The following CTNNA2 variants were observed in gnomAD, a reference collection of about 807,000 sequenced individuals.
The protein encoded by CTNNA2 is catenin alpha 2, also known as catenin alpha-2.
Under a neutral mutation model 101.0 loss-of-function variants are expected in CTNNA2, and 42 were observed. The observed-to-expected ratio is 0.42, with a 90% CI of 0.32 to 0.54. The LOEUF (loss-of-function observed/expected upper bound fraction) is 0.54. Ranked by LOEUF, CTNNA2 falls within the 20% of genes least tolerant of loss-of-function variation. CTNNA2 has a pLI of 0.14. For synonymous variants in CTNNA2, 450 were observed against 456.4 expected (o/e 0.99, Z 0.18); for missense variants, 871 against 1,223.1 (o/e 0.71, Z 4.29).
intron 7 of CTNNA2, among the ~76,000 whole-genome samples, chr2:80,288,197 G>T (rs1052397951): frequency 1.3e-5 from 2 of 152,130 alleles, no homozygotes; most frequent in Non-Finnish European, 2.9e-5. Flanking sequence ...CACAGGGATT[G>T]AAAACCTCCA....
intron 3 of CTNNA2, among the ~76,000 whole-genome samples, chr2:79,809,406 A>T (rs563420888): frequency 4.6e-5 from 7 of 152,344 alleles, no homozygotes; most frequent in Admixed American, 3.3e-4. Flanking sequence ...ACTTCCACTA[A>T]CAGTGTAAAA....
chr2:79,327,912 T>C (rs1386272697), intron 3 of CTNNA2, among the ~76,000 whole-genome samples: 1 of 152,000 alleles, frequency 6.6e-6, no homozygotes, highest in African/African-American at 2.4e-5. Flanking sequence ...AGAAGACTAG[T>C]AGGCAAAGGT....
intron 1 of CTNNA2, among the ~76,000 whole-genome samples, chr2:79,577,241 T>G (rs1444281172): frequency 6.6e-6 from 1 of 152,158 alleles, no homozygotes; most frequent in Non-Finnish European, 1.5e-5. Flanking sequence ...GTTTAATGCC[T>G]TCTTCATTCT....
chr2:79,621,343 C>T (rs75189766), intron 1 of CTNNA2, among the ~76,000 whole-genome samples: 10 of 152,186 alleles, frequency 6.6e-5, no homozygotes, highest in East Asian at 1.9e-4. Context: ...GCTTATTCTC[C>T]GTTATTGTCC....
chr2:79,509,223 G>A (rs984420515), upstream of CTNNA2, among the ~76,000 whole-genome samples: 7 of 151,880 alleles, frequency 4.6e-5, no homozygotes, highest in Non-Finnish European at 8.8e-5. Flanking sequence ...GAAAAAGCTG[G>A]ACCATATGAG....
chr2:79,613,752 T>G (rs1227042590), intron 1 of CTNNA2, among the ~76,000 whole-genome samples: 1 of 152,152 alleles, frequency 6.6e-6, no homozygotes, highest in Non-Finnish European at 1.5e-5. Flanking sequence ...ACTCCTGATC[T>G]CAAGTGATCC....
intron 18 of CTNNA2, among the ~76,000 whole-genome samples, chr2:80,646,372 T>TGAAA (rs1674088191): frequency 6.6e-6 from 1 of 152,122 alleles, no homozygotes; most frequent in South Asian, 2.1e-4. Context: ...AGAAGTTTGA[T>TGAAA]GAAAGATCAG....
chr2:80,488,663 C>A (rs1686790582), intron 9 of CTNNA2, among the ~76,000 whole-genome samples: 1 of 152,160 alleles, frequency 6.6e-6, no homozygotes. Context: ...AATACAGTTT[C>A]TTCCTTGCTC....
chr2:80,359,976 G>T (rs1674238170), intron 7 of CTNNA2, among the ~76,000 whole-genome samples: 1 of 152,044 alleles, frequency 6.6e-6, no homozygotes, highest in Admixed American at 6.6e-5. Flanking sequence ...TAAATTTGGG[G>T]ATAACTAACA....
At chr2:80,021,258 A>T (rs535605135) in intron 7 of CTNNA2, among the ~76,000 whole-genome samples, 1 of 151,832 alleles carries the variant, frequency 6.6e-6, no homozygotes, top group Non-Finnish European at 1.5e-5. Context: ...GAGCTCAAGC[A>T]ATCCTCCCGC....
chr2:80,256,549 A>T (rs1672167966), intron 7 of CTNNA2, among the ~76,000 whole-genome samples: 1 of 152,098 alleles, frequency 6.6e-6, no homozygotes, highest in African/African-American at 2.4e-5. Context: ...GGGAAAAAAA[A>T]TCCCTACTTC....
At chr2:80,179,198 T>C (rs1471166726) in intron 7 of CTNNA2, among the ~76,000 whole-genome samples, 1 of 152,188 alleles carries the variant, frequency 6.6e-6, no homozygotes, top group Non-Finnish European at 1.5e-5. Context: ...GTTAATTTGC[T>C]CAAGCAATGA....
intron 7 of CTNNA2, among the ~76,000 whole-genome samples, chr2:80,297,918 A>T (rs1248656746): frequency 6.6e-6 from 1 of 152,116 alleles, no homozygotes; most frequent in Non-Finnish European, 1.5e-5. Flanking sequence ...AGAAAGTATT[A>T]GGATGATTAG....
At chr2:80,088,453 A>G (rs1349024954) in intron 7 of CTNNA2, among the ~76,000 whole-genome samples, 1 of 151,974 alleles carries the variant, frequency 6.6e-6, no homozygotes, top group Non-Finnish European at 1.5e-5. Flanking sequence ...CTTATTGGTT[A>G]TTTGCATGAC....
chr2:80,206,465 T>A (rs919193693), intron 7 of CTNNA2, among the ~76,000 whole-genome samples: 4 of 152,214 alleles, frequency 2.6e-5, no homozygotes, highest in African/African-American at 9.6e-5. Flanking sequence ...TCACATCACA[T>A]CCAATGTTCT....
chr2:79,202,706 G>T (rs1470793473), intron 2 of CTNNA2, among the ~76,000 whole-genome samples: 1 of 151,410 alleles, frequency 6.6e-6, no homozygotes, highest in African/African-American at 2.4e-5. Context: ...CATTTTGGGG[G>T]TGGAAGGGCT....
chr2:80,583,487 A>G (rs1170358251), intron 14 of CTNNA2, among the ~76,000 whole-genome samples: 3 of 152,212 alleles, frequency 2.0e-5, no homozygotes, highest in Non-Finnish European at 4.4e-5. Context: ...AGAATTAAGT[A>G]AAACCAGCAT....
intron 9 of CTNNA2, among the ~76,000 whole-genome samples, chr2:80,448,401 G>T (rs554881068): frequency 6.6e-6 from 1 of 152,204 alleles, no homozygotes; most frequent in African/African-American, 2.4e-5. Flanking sequence ...TTTCTGAGGA[G>T]CATTCAGCAA....
At chr2:79,535,856 T>C (rs1174222502) in intron 1 of CTNNA2, among the ~76,000 whole-genome samples, 1 of 152,072 alleles carries the variant, frequency 6.6e-6, no homozygotes, top group Non-Finnish European at 1.5e-5. Context: ...CATTGTCAGC[T>C]CTGTTGAAGA....
Sources: gnomAD v4.1 joint callset for allele counts (sites outside exome capture counted in the v4.1 genomes callset) on GRCh38, gnomAD v4.1.1 for gene constraint, MANE v1.5 for transcripts, NCBI Gene and HGNC (gene_info 2026-07-23, HGNC 2026-07-21) for gene names.